TFDP1: variants seen among roughly 807,000 people sequenced by gnomAD.
The protein encoded by TFDP1 is transcription factor Dp-1, also known as DRTF1-polypeptide 1.
Under a neutral mutation model 48.0 loss-of-function variants are expected in TFDP1, and 6 were observed. The ratio of observed to expected loss-of-function variants is 0.13; its 90% CI spans 0.07 to 0.25. The LOEUF (loss-of-function observed/expected upper bound fraction) is 0.25, where lower values mean the gene tolerates loss of function less well. Ranked by LOEUF, TFDP1 falls within the 10% of genes least tolerant of loss-of-function variation. TFDP1 has a pLI of 1.00. For synonymous variants in TFDP1, 201 were observed against 211.6 expected (o/e 0.95, Z 0.44); for missense variants, 335 against 543.0 (o/e 0.62, Z 3.81).
At chr13:113,625,552 C>T (rs374938884) in intron 4 of TFDP1, among the ~76,000 whole-genome samples, 2 of 122,712 alleles carry the variant, frequency 1.6e-5, no homozygotes, top group African/African-American at 3.6e-5. Context: ...CTCACGTGTC[C>T]TCAGGTGTCT....
At chr13:113,597,205 G>A (rs1401521313) in intron 2 of TFDP1, among the ~76,000 whole-genome samples, 1 of 152,230 alleles carries the variant, frequency 6.6e-6, no homozygotes. Flanking sequence ...TTCTAAAAGG[G>A]AAAAGAGTAT....
In TFDP1 at chr13:113,607,775, G is replaced by C. The variant is rs2048605862; in HGVS notation, c.13-3221G>C. On this transcript the variant is annotated intron_variant, in intron 2 of 11. Coordinates refer to ENST00000375370, the MANE Select transcript of TFDP1 (RefSeq NM_007111.5). The surrounding 1 kb of genome is among the most constrained non-coding windows in gnomAD (Gnocchi z 5.2). Reference sequence around the variant, plus strand: ...CAGTGGGTGGCGGTGACGGGGGCCAGTGGTTTCCTGGACCTGGGTTTCCTG... The same window carrying C: ...CAGTGGGTGGCGGTGACGGGGGCCACTGGTTTCCTGGACCTGGGTTTCCTG... Among the ~76,000 whole-genome samples the C allele has an allele frequency of 6.6e-6, 1 of 152,206 alleles. No individual in the cohort carries two copies. Among genetic ancestry groups the C allele is most frequent in the Admixed American group, 6.5e-5 (1 of 15,288 alleles).
At chr13:113,602,910 C>T (rs368866961) in intron 2 of TFDP1, among the ~76,000 whole-genome samples, 43 of 147,248 alleles carry the variant, frequency 2.9e-4, no homozygotes, top group African/African-American at 1.1e-3. Flanking sequence ...CCCTGGGCCA[C>T]ATTGGAAGAA....
At chr13:113,638,994 C>A (rs375108303) in intron 11 of TFDP1, among the ~76,000 whole-genome samples, 7 of 152,152 alleles carry the variant, frequency 4.6e-5, no homozygotes, top group African/African-American at 1.7e-4. Context: ...ACAGGTGTGT[C>A]GGGCACGTGT....
chr13:113,602,886 A>C (rs933069878), intron 2 of TFDP1, among the ~76,000 whole-genome samples: 1 of 151,854 alleles, frequency 6.6e-6, no homozygotes, highest in Non-Finnish European at 1.5e-5. Context: ...CAGGGGTGTC[A>C]AATCTTTTGT....
chr13:113,625,726 GCGTCTCT>G (rs2049144412), intron 4 of TFDP1, among the ~76,000 whole-genome samples: 12 of 59,186 alleles, frequency 2.0e-4, no homozygotes, highest in Non-Finnish European at 3.8e-4. Flanking sequence ...ATGTCTTCAG[GCGTCTCT>G]CACGTGTCCT....
At chr13:113,604,832 G>A (rs902379877) in intron 2 of TFDP1, among the ~76,000 whole-genome samples, 1 of 152,218 alleles carries the variant, frequency 6.6e-6, no homozygotes, top group Non-Finnish European at 1.5e-5. Context: ...GTCTGGTGCT[G>A]TTGTCTCAGG....
chr13:113,628,288 G>A (rs1189806465), intron 4 of TFDP1, among the ~76,000 whole-genome samples: 14 of 152,166 alleles, frequency 9.2e-5, no homozygotes, highest in African/African-American at 1.7e-4. Context: ...GTCTGGAGCC[G>A]TGTAAAGACT....
At chr13:113,621,794 G>T (rs2049001228) in intron 3 of TFDP1, among the ~76,000 whole-genome samples, 2 of 152,222 alleles carry the variant, frequency 1.3e-5, no homozygotes, top group South Asian at 4.1e-4. Context: ...GGGAAAGGGA[G>T]TTTAGAGAAG....
rs4150814 is a variant in TFDP1, at chr13:113,637,663, G to C, written c.1007-155G>C. ...ACTGCACAGCGGGATGTCCTGCTCC[G>C]TGGCGCAGTGTGGAAAATACTGGAC... On this transcript the variant is annotated intron_variant, in intron 10 of 11. Transcript: ENST00000375370. The C allele has an allele frequency of 1.9e-3, 2,952 of 1,542,208 alleles. 46 individuals are homozygous for C. In the African/African-American group the frequency reaches 0.036, roughly 19 times the overall value.
intron 2 of TFDP1, among the ~76,000 whole-genome samples, chr13:113,586,878 G>T (rs1055978130): frequency 6.6e-6 from 1 of 152,222 alleles, no homozygotes; most frequent in African/African-American, 2.4e-5. Context: ...GCTGTGCTGC[G>T]AGACTACTTT....
chr13:113,611,335 AT>A (rs1411748693), intron 3 of TFDP1, among the ~76,000 whole-genome samples: 1 of 152,262 alleles, frequency 6.6e-6, no homozygotes, highest in African/African-American at 2.4e-5. Context: ...TAAAGAAGAA[AT>A]AAAGATAGTT....
chr13:113,628,260 A>AAGCCGTGTAAAGACTGTGTCTGG (rs1254972168), intron 4 of TFDP1, among the ~76,000 whole-genome samples: 15 of 148,720 alleles, frequency 1.0e-4, no homozygotes, highest in African/African-American at 2.8e-4. Flanking sequence ...ACTGTGTCTG[A>AAGCCGTGTAAAGACTGTGTCTGG]AGCCGTGTAA....
At chr13:113,608,547 C>A (rs989239131) in intron 2 of TFDP1, among the ~76,000 whole-genome samples, 33 of 152,182 alleles carry the variant, frequency 2.2e-4, no homozygotes, top group Non-Finnish European at 1.3e-4. Context: ...CACAGATGCT[C>A]GAGCTGGGCC....
At chr13:113,590,159 G>A (rs1292390107) in intron 2 of TFDP1, among the ~76,000 whole-genome samples, 2 of 152,214 alleles carry the variant, frequency 1.3e-5, no homozygotes, top group Non-Finnish European at 2.9e-5. Context: ...TCAGCTCCCT[G>A]TGCAGAGAAC....
At position 113,607,618 on chromosome 13, in the gene TFDP1, G is replaced by A. The variant is rs1194687865; in HGVS notation, c.13-3378G>A. Among the ~76,000 whole-genome samples, 1 of 152,168 alleles carries A rather than the reference G, an allele frequency of 6.6e-6. No individual in the cohort carries two copies. The highest frequency in any genetic ancestry group is 2.4e-5 in the African/African-American group (1 of 41,432). ...GCTTTATGTCACAACATTGAGGCTGGCGGAGAAAGACCGGCCCCTTCACCC... is the reference window on the plus strand; with the variant it reads ...GCTTTATGTCACAACATTGAGGCTGACGGAGAAAGACCGGCCCCTTCACCC... On this transcript the variant is annotated intron_variant, in intron 2 of 11. Transcript: ENST00000375370. This position sits in a 1 kb window ranked among gnomAD's most constrained non-coding sequence, Gnocchi z 5.2.
chr13:113,614,002 A>T (rs2048786994), intron 3 of TFDP1, among the ~76,000 whole-genome samples: 2 of 148,184 alleles, frequency 1.3e-5, no homozygotes, highest in African/African-American at 5.1e-5. Flanking sequence ...GCATGAGTTC[A>T]CGTGAGTTGT....
chr13:113,608,618 C>T (rs973404843), intron 2 of TFDP1, among the ~76,000 whole-genome samples: 1 of 152,364 alleles, frequency 6.6e-6, no homozygotes, highest in East Asian at 1.9e-4. Context: ...ACGCCTTAAC[C>T]TCCTGGCTGT....
At chr13:113,593,632 G>A (rs1297516108) in intron 2 of TFDP1, among the ~76,000 whole-genome samples, 4 of 139,268 alleles carry the variant, frequency 2.9e-5, no homozygotes, top group Non-Finnish European at 4.6e-5. Context: ...TGTGCTGTGT[G>A]CAGGTCCTCA....
Sources: gnomAD v4.1 joint callset for allele counts (sites outside exome capture counted in the v4.1 genomes callset) on GRCh38, gnomAD v4.1.1 for gene constraint, Gnocchi (gnomAD v3.1) non-coding constraint, MANE v1.5 for transcripts, NCBI Gene and HGNC (gene_info 2026-07-23, HGNC 2026-07-21) for gene names.